Variants in BCL2L14 observed in about 807,000 individuals in gnomAD.
BCL2L14 encodes apoptosis facilitator Bcl-2-like protein 14.
Under a neutral mutation model 35.3 loss-of-function variants are expected in BCL2L14, and 27 were observed. The ratio of observed to expected loss-of-function variants is 0.76; its 90% confidence interval spans 0.56 to 1.05. The LOEUF is 1.05. BCL2L14 is among the 50% of genes least tolerant of loss of function. The probability of loss-of-function intolerance (pLI) is 0.00; values close to 1 mark genes in which losing one functional copy is unlikely to be tolerated. For missense variants in BCL2L14, 377 were observed against 382.6 expected (o/e 0.99, Z 0.12); for synonymous variants, 139 against 145.9 (o/e 0.95, Z 0.34).
intron 2 of BCL2L14, among the ~76,000 whole-genome samples, chr12:12,053,072 T>C (rs1948380777): frequency 6.6e-6 from 1 of 152,170 alleles, no homozygotes; most frequent in African/African-American, 2.4e-5. Flanking sequence ...ATGATGATGG[T>C]ACCACCAGCA....
In BCL2L14 at chr12:12,094,777, G is replaced by A. The variant is rs1949277322; in HGVS notation, c.792G>A (p.Glu264=). The A allele has an allele frequency of 6.2e-7, 1 of 1,614,192 alleles. No homozygotes were observed. The highest frequency in any genetic ancestry group is 8.5e-7 in the Non-Finnish European group (1 of 1,180,042). The change falls in exon 5 of 6, where the codon GAG becomes GAA. Residue 264 remains glutamate (E), a synonymous_variant. Coordinates refer to ENST00000308721, the MANE Select transcript of BCL2L14 (RefSeq NM_138723.2). ...GTGTGGACCCCAGGGGAGAATCAGA[G>A]GTCAAAGCTCAGGGCTTTAAGGCTG... ...LMGVDPRGES[E]VKAQGFKAAL...
chr12:12,070,123 T>C (rs1413458230), upstream of BCL2L14, among the ~76,000 whole-genome samples: 5 of 152,358 alleles, frequency 3.3e-5, no homozygotes, highest in Admixed American at 6.5e-5. Context: ...TCTAAAGTTA[T>C]GACATTTGGC....
At chr12:12,095,384 G>C (rs1949294288) in intron 5 of BCL2L14, 1 of 985,350 alleles carries the variant, frequency 1.0e-6, no homozygotes, top group African/African-American at 1.7e-5. Context: ...TTGCTGCTTT[G>C]ACCCAGCCAT....
At position 12,099,526 on chromosome 12, in the gene BCL2L14, T is replaced by C. The variant is rs987054685; in HGVS notation, c.*538T>C. 2.6e-5 allele frequency: 4 copies of C among 152,262 alleles called. No homozygotes were observed. Among genetic ancestry groups the C allele is most frequent in the African/African-American group, 7.2e-5 (3 of 41,448 alleles). The allele number at this position is 152,262 out of a possible 1,614,324, so 9.4% of individuals were successfully genotyped here. On this transcript the variant is annotated 3_prime_UTR_variant, in exon 6 of 6. Coordinates refer to ENST00000308721, the MANE Select transcript of BCL2L14 (RefSeq NM_138723.2). Reference sequence around the variant, plus strand: ...TGGAGAGGTAACTGTTGTCTGTGCCTTTTTGAAAAACTTCCATTTGGTACA... The same window carrying C: ...TGGAGAGGTAACTGTTGTCTGTGCCCTTTTGAAAAACTTCCATTTGGTACA...
rs368311742 is a variant in BCL2L14, at chr12:12,093,036, T to C, written c.679-1628T>C. Among the ~76,000 whole-genome samples the C allele has an allele frequency of 1.0e-3, 153 of 152,272 alleles. 4 individuals carry two copies. The South Asian group carries it at 0.03, about 30-fold the overall frequency. ...GCAAGAATGCTTTAAATGAAGATGA[T>C]ATATAGCTTTTTGATATGAGCCCTG... is the stretch of plus-strand genomic sequence containing the variant. On this transcript the variant is annotated intron_variant, in intron 4 of 5. Transcript: ENST00000308721.
At chr12:12,075,216 A>T (rs1267405956) in intron 1 of BCL2L14, among the ~76,000 whole-genome samples, 1 of 151,360 alleles carries the variant, frequency 6.6e-6, no homozygotes, top group Non-Finnish European at 1.5e-5. Flanking sequence ...TTTGCCTCCC[A>T]GGTTCAAGTG....
intron 2 of BCL2L14, among the ~76,000 whole-genome samples, chr12:12,083,705 G>A (rs1341096742): frequency 6.6e-6 from 1 of 152,170 alleles, no homozygotes; most frequent in African/African-American, 2.4e-5. Flanking sequence ...AGCCCTTTGG[G>A]AGTCTGAGGT....
chr12:12,073,195 T>C (rs1042618106), intron 1 of BCL2L14, among the ~76,000 whole-genome samples: 5 of 152,188 alleles, frequency 3.3e-5, no homozygotes, highest in Admixed American at 6.5e-5. Flanking sequence ...TTAAATACAT[T>C]AAAACCCTCT....
At chr12:12,085,290 G>A (rs938738913) in intron 2 of BCL2L14, among the ~76,000 whole-genome samples, 8 of 152,096 alleles carry the variant, frequency 5.3e-5, no homozygotes, top group African/African-American at 1.7e-4. Context: ...TACCCTAGAT[G>A]AGCTGCACAA....
chr12:12,091,026 G>T (rs1222078149), intron 4 of BCL2L14, among the ~76,000 whole-genome samples, 177 bp downstream of exon 4: 1 of 152,170 alleles, frequency 6.6e-6, no homozygotes, highest in Non-Finnish European at 1.5e-5. Flanking sequence ...TCTCAAAAAT[G>T]AGTCACTTTG....
chr12:12,064,559 G>A (rs1948571292), intron 2 of BCL2L14, among the ~76,000 whole-genome samples: 1 of 152,068 alleles, frequency 6.6e-6, no homozygotes, highest in Non-Finnish European at 1.5e-5. Context: ...GGCCTCTTTG[G>A]AGCCATGGCC....
chr12:12,075,583 G>A (rs1565460588), intron 1 of BCL2L14, among the ~76,000 whole-genome samples: 1 of 151,904 alleles, frequency 6.6e-6, no homozygotes, highest in Non-Finnish European at 1.5e-5. Context: ...GTGCCACCAT[G>A]CCTGGCTAAT....
chr12:12,053,840 G>A (rs889826837), intron 2 of BCL2L14, among the ~76,000 whole-genome samples: 5 of 152,146 alleles, frequency 3.3e-5, no homozygotes, highest in Admixed American at 3.3e-4. Flanking sequence ...AAATGCCTTT[G>A]ACATGAGCCA....
intron 2 of BCL2L14, among the ~76,000 whole-genome samples, chr12:12,083,853 G>A (rs1160267913): frequency 1.3e-5 from 2 of 152,134 alleles, no homozygotes; most frequent in South Asian, 2.1e-4. Context: ...GAGGCTGAAG[G>A]AGGAGAATCA....
chr12:12,050,961 T>C (rs939897052), intron 1 of BCL2L14, among the ~76,000 whole-genome samples: 3 of 152,200 alleles, frequency 2.0e-5, no homozygotes, highest in Non-Finnish European at 2.9e-5. Context: ...ATTTAGGACC[T>C]TTTGGCGGAA....
At chr12:12,082,041 C>T (rs1033751560) in intron 2 of BCL2L14, among the ~76,000 whole-genome samples, 18 of 152,250 alleles carry the variant, frequency 1.2e-4, no homozygotes, top group African/African-American at 4.3e-4. Flanking sequence ...AAGGAAACTC[C>T]CTTTTCCCAT....
intron 4 of BCL2L14, among the ~76,000 whole-genome samples, chr12:12,091,848 T>G (rs1446935498): frequency 6.6e-6 from 1 of 152,202 alleles, no homozygotes; most frequent in Non-Finnish European, 1.5e-5. Context: ...AGGGCACCCC[T>G]GCATTTCTCC....
Sources: gnomAD v4.1 joint callset for allele counts (sites outside exome capture counted in the v4.1 genomes callset) on GRCh38, gnomAD v4.1.1 for gene constraint, MANE v1.5 for transcripts, NCBI Gene and HGNC (gene_info 2026-07-23, HGNC 2026-07-21) for gene names.